RAB3B: variants seen among roughly 807,000 people sequenced by gnomAD.
RAB3B encodes RAB3B, member RAS oncogene family.
Under a neutral mutation model 20.5 loss-of-function variants are expected in RAB3B, and 11 were observed. The observed-to-expected ratio is 0.54, with a 90% CI of 0.34 to 0.89. The LOEUF (loss-of-function observed/expected upper bound fraction) is 0.89, where lower values mean the gene tolerates loss of function less well. RAB3B is among the 40% of genes least tolerant of loss of function. The probability of loss-of-function intolerance (pLI) is 0.02; values close to 1 mark genes in which losing one functional copy is unlikely to be tolerated. For missense variants in RAB3B, 225 were observed against 280.9 expected, an observed-to-expected ratio of 0.80 and a Z score of 1.42; for synonymous variants, 99 against 106.3, an observed-to-expected ratio of 0.93 and a Z score of 0.42.
At chr1:51,957,059 T>C (rs1684716749) in intron 2 of RAB3B, among the ~76,000 whole-genome samples, 1 of 151,922 alleles carries the variant, frequency 6.6e-6, no homozygotes, top group African/African-American at 2.4e-5. Context: ...GTAAAGTCTA[T>C]ATAAACTCTT....
chr1:51,955,655 C>T (rs1684698263), intron 2 of RAB3B, among the ~76,000 whole-genome samples: 1 of 152,190 alleles, frequency 6.6e-6, no homozygotes, highest in South Asian at 2.1e-4. Flanking sequence ...CAGCCTCAGC[C>T]TCCCAGAGTG....
At chr1:51,942,597 T>C (rs2124264128) in intron 2 of RAB3B, among the ~76,000 whole-genome samples, 1 of 152,344 alleles carries the variant, frequency 6.6e-6, no homozygotes, top group Middle Eastern at 3.4e-3. Context: ...CTAAAATGTC[T>C]CCTGATATTC....
chr1:51,954,756 A>G (rs1190785241), intron 2 of RAB3B, among the ~76,000 whole-genome samples: 2 of 152,248 alleles, frequency 1.3e-5, no homozygotes, highest in African/African-American at 2.4e-5. Flanking sequence ...GTAAAATACC[A>G]TATTTCATAG....
Position 51,919,969 on chromosome 1 carries a change from G to T in RAB3B, c.618C>A (p.Leu206=). The T allele has an allele frequency of 6.2e-7, 1 of 1,614,086 alleles. No homozygotes were observed. The highest frequency in any genetic ancestry group is 8.5e-7 in the Non-Finnish European group (1 of 1,179,994). ...SMLGSSKNTR[L]SDTPPLLQQN... Reference sequence around the variant, plus strand: ...GCTGCAGCAGCGGTGGGGTGTCCGAGAGACGCGTGTTCTTGGAGGAGCCCA... The same window carrying T: ...GCTGCAGCAGCGGTGGGGTGTCCGATAGACGCGTGTTCTTGGAGGAGCCCA... The change falls in exon 5 of 5, where the codon CTC becomes CTA. Residue 206 remains leucine, a synonymous_variant. Coordinates refer to ENST00000371655, the MANE Select transcript of RAB3B (RefSeq NM_002867.4).
At chr1:51,951,212 G>A (rs1684636858) in intron 2 of RAB3B, among the ~76,000 whole-genome samples, 1 of 151,158 alleles carries the variant, frequency 6.6e-6, no homozygotes, top group Non-Finnish European at 1.5e-5. Context: ...TGGGTATACT[G>A]CATGATGCTG....
chr1:51,970,092 A>C (rs1370993563), intron 2 of RAB3B, among the ~76,000 whole-genome samples: 1 of 151,284 alleles, frequency 6.6e-6, no homozygotes. Flanking sequence ...CCCAAAAAAC[A>C]AAAAACAAAC....
At chr1:51,987,041 G>A (rs1012103468) in intron 1 of RAB3B, among the ~76,000 whole-genome samples, 2 of 152,230 alleles carry the variant, frequency 1.3e-5, no homozygotes, top group South Asian at 2.1e-4. Flanking sequence ...AAGGCCCAGG[G>A]ACCATCTGGG....
chr1:51,935,316 A>T (rs931759271), intron 3 of RAB3B, among the ~76,000 whole-genome samples: 1 of 152,134 alleles, frequency 6.6e-6, no homozygotes, highest in Non-Finnish European at 1.5e-5. Flanking sequence ...GAATTCACTC[A>T]ACCACCACTT....
chr1:51,977,926 T>C (rs1685031547), intron 1 of RAB3B, among the ~76,000 whole-genome samples: 1 of 152,232 alleles, frequency 6.6e-6, no homozygotes, highest in African/African-American at 2.4e-5. Context: ...AAACTTTATC[T>C]TCCCATACCC....
chr1:51,982,103 C>T (rs1685096049), intron 1 of RAB3B, among the ~76,000 whole-genome samples: 1 of 152,146 alleles, frequency 6.6e-6, no homozygotes, highest in Admixed American at 6.5e-5. Context: ...ATTATTGCCC[C>T]TGAAGACCTT....
chr1:51,922,539 T>A (rs1684186185), intron 4 of RAB3B, among the ~76,000 whole-genome samples: 1 of 152,190 alleles, frequency 6.6e-6, no homozygotes, highest in African/African-American at 2.4e-5. Flanking sequence ...GATTGGCATG[T>A]GAATACATGG....
At chr1:51,985,104 C>T (rs980991315) in intron 1 of RAB3B, among the ~76,000 whole-genome samples, 1 of 152,216 alleles carries the variant, frequency 6.6e-6, no homozygotes, top group Non-Finnish European at 1.5e-5. Context: ...CTTCACAGAG[C>T]TTGGTACAAA....
rs77393633 is a variant in RAB3B at position 51,937,273 on chromosome 1, G to A, written c.347+21C>T. On this transcript the variant is annotated intron_variant, in intron 3 of 4. Coordinates refer to ENST00000371655, the MANE Select transcript of RAB3B (RefSeq NM_002867.4). ...TTAATGAACAGTTTGTTAAATGAATGAATGAATATGGGTCTCATACCAGTC... is the reference window on the plus strand; with the variant it reads ...TTAATGAACAGTTTGTTAAATGAATAAATGAATATGGGTCTCATACCAGTC... The A allele has an allele frequency of 6.7e-4, 1,029 of 1,529,380 alleles. 7 individuals carry two copies. The African/African-American group carries it at 0.013, about 19-fold the overall frequency. The allele number at this position is 1,529,380 out of a possible 1,614,324, so 94.7% of individuals were successfully genotyped here. A position where few individuals can be genotyped will look rare whatever the true frequency, so the allele number is the denominator to read the frequency against.
At chr1:51,964,799 C>A (rs1334442181) in intron 2 of RAB3B, among the ~76,000 whole-genome samples, 7 of 152,196 alleles carry the variant, frequency 4.6e-5, no homozygotes, top group Admixed American at 4.6e-4. Context: ...CTACTACCTC[C>A]CTAGTTCAAG....
intron 2 of RAB3B, among the ~76,000 whole-genome samples, chr1:51,950,105 T>C (rs1249821816): frequency 1.3e-5 from 2 of 152,164 alleles, no homozygotes; most frequent in Non-Finnish European, 2.9e-5. Flanking sequence ...TGAGTACTAC[T>C]GGAAAAGGCA....
intron 4 of RAB3B, among the ~76,000 whole-genome samples, chr1:51,932,433 C>G (rs1684338849): frequency 6.6e-6 from 1 of 152,278 alleles, no homozygotes; most frequent in African/African-American, 2.4e-5. Flanking sequence ...AATAAAAGCT[C>G]TTCTTTTAAG....
chr1:51,975,100 G>C (rs1684990055), intron 2 of RAB3B, among the ~76,000 whole-genome samples: 1 of 152,176 alleles, frequency 6.6e-6, no homozygotes, highest in Non-Finnish European at 1.5e-5. Context: ...TATAATTGAA[G>C]CTACTTGGGG....
chr1:51,981,630 C>A (rs915001538), intron 1 of RAB3B, among the ~76,000 whole-genome samples: 1 of 152,200 alleles, frequency 6.6e-6, no homozygotes, highest in African/African-American at 2.4e-5. Flanking sequence ...GGTATGTTAT[C>A]ATTTAGCAAA....
intron 2 of RAB3B, among the ~76,000 whole-genome samples, chr1:51,956,982 CTG>C (rs1684715829): frequency 6.6e-6 from 1 of 152,230 alleles, no homozygotes; most frequent in Non-Finnish European, 1.5e-5. Context: ...TCCAATGAAA[CTG>C]TGTATATGAA....
Sources: allele counts gnomAD v4.1 joint callset (sites outside exome capture counted in the v4.1 genomes callset), GRCh38; gene constraint gnomAD v4.1.1; transcripts MANE v1.5; gene names NCBI Gene and HGNC (gene_info 2026-07-23, HGNC 2026-07-21).